The following P2RY11 variants were observed in gnomAD, a reference collection of about 807,000 sequenced individuals.
The protein encoded by P2RY11 is P2Y purinoceptor 11.
In P2RY11, 3 loss-of-function variants were observed where a neutral mutation model predicts 2.4. That is an observed-to-expected ratio of 1.22 (90% CI 0.56 to 3.17). P2RY11 has a LOEUF of 3.17. Among genes scored for constraint, P2RY11 ranks in the 30% most tolerant of loss-of-function variants. The pLI is 0.03. For synonymous variants in P2RY11, 307 were observed against 237.3 expected (o/e 1.29, Z -2.70); for missense variants, 670 against 528.2 (o/e 1.27, Z -2.63).
At position 10,114,955 on chromosome 19, in the gene P2RY11, G is replaced by A. The variant is rs1017556898; in HGVS notation, c.*217G>A. 2 of 1,406,458 alleles carry A rather than the reference G, an allele frequency of 1.4e-6. No individual in the cohort carries two copies. Among genetic ancestry groups the A allele is most frequent in the Admixed American group, 2.0e-5 (1 of 50,634 alleles). 87.1% of individuals were successfully genotyped at this position (1,406,458 alleles called of 1,614,324 possible). The stretch of plus-strand genomic sequence containing the variant: ...GGTCAGGGACCAGACCACGCCCAGA[G>A]GAGGGGAGGCACTGGCCCCCGCCAC... On this transcript the variant is annotated 3_prime_UTR_variant, in exon 2 of 2. Transcript: ENST00000321826.
At chr19:10,112,928 G>A (rs1305801638) in intron 1 of P2RY11, among the ~76,000 whole-genome samples, 2 of 151,990 alleles carry the variant, frequency 1.3e-5, no homozygotes, top group African/African-American at 4.8e-5. Flanking sequence ...GGTGATGAGA[G>A]TGAGACTCTG....
intron 1 of P2RY11, among the ~76,000 whole-genome samples, chr19:10,112,649 C>G (rs1277638292): frequency 6.6e-6 from 1 of 152,056 alleles, no homozygotes; most frequent in Non-Finnish European, 1.5e-5. Flanking sequence ...TCAAGAATGT[C>G]TGGGTGTGGC....
Position 10,113,702 on chromosome 19 carries a change from TC to T in P2RY11, c.91del (p.Leu31CysfsTer50), listed in dbSNP as rs756406399. On this transcript the variant is annotated frameshift_variant, in exon 2 of 2. Coordinates refer to ENST00000321826, the MANE Select transcript of P2RY11 (RefSeq NM_002566.5). LOFTEE classifies it low-confidence loss of function (END_TRUNC). The stretch of plus-strand genomic sequence containing the variant: ...AAACTCAGTGGGTTCCAGGGGGACT[TC>T]CTGTGGCCCATACTGGTGGTTGAGT... ...DDKLSGFQGD[F>X]LWPILVVEFL... The T allele has an allele frequency of 2.5e-6, 4 of 1,611,210 alleles. No individual in the cohort carries two copies. Among genetic ancestry groups the T allele is most frequent in the Non-Finnish European group, 3.4e-6 (4 of 1,178,286 alleles).
rs1434430862 is a variant in P2RY11 at position 10,113,721 on chromosome 19, GGTT to G, written c.110_112del (p.Val37del). ...GGGACTTCCTGTGGCCCATACTGGT[GGTT>G]GAGTTCCTGGTGGCCGTGGCCAGCA... On this transcript the variant is annotated inframe_deletion, in exon 2 of 2. Transcript: ENST00000321826. The G allele has an allele frequency of 6.2e-7, 1 of 1,614,058 alleles. No individual in the cohort carries two copies. Among genetic ancestry groups the G allele is most frequent in the Non-Finnish European group, 8.5e-7 (1 of 1,179,954 alleles).
In P2RY11 at chr19:10,113,875, T is replaced by A. The variant is rs116946867; in HGVS notation, c.262T>A (p.Tyr88Asn). ...CALTLPPLAA[Y>N]LYPPKHWRYG... ...CCTGACGCTGCCCCCGCTGGCCGCC[T>A]ACCTCTATCCCCCCAAGCACTGGCG... The change falls in exon 2 of 2, where the codon TAC becomes AAC. Residue 88 changes from tyrosine to asparagine, a missense_variant. Physicochemically the swap from Tyr to Asn is moderately radical, Grantham distance 143. Transcript: ENST00000321826. 148 of 1,610,124 alleles carry A rather than the reference T, an allele frequency of 9.2e-5. No individual in the cohort carries two copies. In the East Asian group the frequency reaches 2.1e-3, roughly 23 times the overall value.
chr19:10,115,308 C>T lies in P2RY11; in HGVS notation c.*570C>T, dbSNP rs1332096323. 9.1e-7 allele frequency: 1 copy of T among 1,098,112 alleles called. No homozygotes were observed. The highest frequency in any genetic ancestry group is 1.6e-5 in the African/African-American group (1 of 63,072). The allele number at this position is 1,098,112 out of a possible 1,614,324, so 68.0% of individuals were successfully genotyped here. A position where few individuals can be genotyped will look rare whatever the true frequency, so the allele number is the denominator to read the frequency against. ...CACGGACTGGCAGGGACCCCAGGCA[C>T]AAGAGCTGCCACCCCTCTGCCCGGT... On this transcript the variant is annotated 3_prime_UTR_variant, in exon 2 of 2. Coordinates refer to ENST00000321826, the MANE Select transcript of P2RY11 (RefSeq NM_002566.5).
chr19:10,111,851 C>T, intron 1 of P2RY11, 111 bp downstream of exon 1: 1 of 1,292,088 alleles, frequency 7.7e-7, no homozygotes, highest in Non-Finnish European at 1.1e-6. Context: ...GTGGCTCACG[C>T]CTGTAATCCC....
At chr19:10,112,185 G>C (rs2089108319) in intron 1 of P2RY11, 1 of 180,830 alleles carries the variant, frequency 5.5e-6, no homozygotes, top group African/African-American at 2.4e-5. Context: ...GGCTGAGGCA[G>C]GGGGATCACT....
chr19:10,115,040 C>T lies in P2RY11; in HGVS notation c.*302C>T. On this transcript the variant is annotated 3_prime_UTR_variant, in exon 2 of 2. Coordinates refer to ENST00000321826, the MANE Select transcript of P2RY11 (RefSeq NM_002566.5). ...AGAGAGAGTGGAGCTGCTTTATTGC[C>T]CTTGGAGCCCGCGCTCTCGGAGGCT... The T allele has an allele frequency of 1.9e-6, 3 of 1,601,462 alleles. No individual in the cohort carries two copies. Among genetic ancestry groups the T allele is most frequent in the Middle Eastern group, 1.7e-4 (1 of 6,050 alleles).
rs370173231 is a variant in P2RY11 at position 10,114,155 on chromosome 19, G to A, written c.542G>A (p.Ser181Asn). Reference protein sequence around the residue: ...KRPQQGAGNCSVARPEACIKC... With the variant: ...KRPQQGAGNCNVARPEACIKC... ...CCGCAGCAGGGGGCGGGCAACTGCAGCGTGGCCAGGCCCGAGGCCTGCATC... is the reference window on the plus strand; with the variant it reads ...CCGCAGCAGGGGGCGGGCAACTGCAACGTGGCCAGGCCCGAGGCCTGCATC... Residue 181 changes from serine (S) to asparagine (N), a missense_variant, in exon 2 of 2, where the codon AGC becomes AAC. Ser to Asn is a conservative substitution (Grantham distance 46). Coordinates refer to ENST00000321826, the MANE Select transcript of P2RY11 (RefSeq NM_002566.5). 3.4e-5 allele frequency: 55 copies of A among 1,600,816 alleles called. No homozygotes were observed. Among genetic ancestry groups the A allele is most frequent in the Non-Finnish European group, 4.4e-5 (52 of 1,179,584 alleles).
rs1453114618 is a variant in P2RY11, at chr19:10,114,146, G to A, written c.533G>A (p.Gly178Asp). ...CTGAAGAGGCCGCAGCAGGGGGCGGGCAACTGCAGCGTGGCCAGGCCCGAG... is the reference window on the plus strand; with the variant it reads ...CTGAAGAGGCCGCAGCAGGGGGCGGACAACTGCAGCGTGGCCAGGCCCGAG... ...SHLKRPQQGA[G>D]NCSVARPEAC... The change falls in exon 2 of 2, where the codon GGC (glycine) becomes GAC (aspartate). Residue 178 changes from glycine (G) to aspartate (D), a missense_variant. Physicochemically the swap from Gly to Asp is moderately conservative, Grantham distance 94 (BLOSUM62 -1). Transcript: ENST00000321826. 6.2e-7 allele frequency: 1 copy of A among 1,601,140 alleles called. No homozygotes were observed. Among genetic ancestry groups the A allele is most frequent in the Non-Finnish European group, 8.5e-7 (1 of 1,179,626 alleles).
chr19:10,114,322 G>GAAGCT lies in P2RY11; in HGVS notation c.709_710insAAGCT (p.Gly237GlufsTer4), dbSNP rs2089193105. The GAAGCT allele has an allele frequency of 6.3e-7, 1 of 1,599,396 alleles. No homozygotes were observed. Among genetic ancestry groups the GAAGCT allele is most frequent in the African/African-American group, 1.3e-5 (1 of 74,880 alleles). On this transcript the variant is annotated frameshift_variant, in exon 2 of 2. Transcript: ENST00000321826. LOFTEE classifies it low-confidence loss of function (END_TRUNC). ...CGGGCGGGCCGTGCTACGCAGCCCA[G>GAAGCT]GCATGACTGTGGCCGAGAAGCTGCG...
At position 10,114,704 on chromosome 19, in the gene P2RY11, C is replaced by T. The variant is rs550222835; in HGVS notation, c.1091C>T (p.Pro364Leu). The T allele has an allele frequency of 2.4e-5, 39 of 1,611,448 alleles. No homozygotes were observed. Among genetic ancestry groups the T allele is most frequent in the East Asian group, 2.2e-4 (10 of 44,802 alleles). Reference protein sequence around the residue: ...LPLNATAAPKPSEPQSRELSQ With the variant: ...LPLNATAAPKLSEPQSRELSQ ...CTCAATGCCACAGCCGCCCCTAAAC[C>T]GTCAGAGCCCCAGTCCCGTGAGCTG... The change falls in exon 2 of 2, where the codon CCG (proline) becomes CTG (leucine). Residue 364 changes from proline (P) to leucine (L), a missense_variant. Transcript: ENST00000321826.
In P2RY11 at chr19:10,114,273, C is replaced by T. The variant is rs773704014; in HGVS notation, c.660C>T (p.Leu220=). 10 of 1,598,396 alleles carry T rather than the reference C, an allele frequency of 6.3e-6. No homozygotes were observed. In the East Asian group the frequency reaches 6.7e-5, roughly 11 times the overall value. Residue 220 remains leucine, a synonymous_variant, in exon 2 of 2, where the codon CTC becomes CTT. Transcript: ENST00000321826. ...TGGGCTGCGGCCTGCCGCTGCTGCT[C>T]ACGCTGGCAGCCTACGGCGCCCTCG... ...AGLGCGLPLL[L]TLAAYGALGR... is the part of the protein sequence containing the mutation.
In P2RY11 at chr19:10,114,711, G is replaced by A; in HGVS notation, c.1098G>A (p.Glu366=). 1 of 1,609,938 alleles carries A rather than the reference G, an allele frequency of 6.2e-7. No individual in the cohort carries two copies. Among genetic ancestry groups the A allele is most frequent in the Non-Finnish European group, 8.5e-7 (1 of 1,177,122 alleles). ...LNATAAPKPS[E]PQSRELSQ ...CCACAGCCGCCCCTAAACCGTCAGA[G>A]CCCCAGTCCCGTGAGCTGAGCCAAT... Residue 366 remains glutamate (E), a synonymous_variant, in exon 2 of 2, where the codon GAG becomes GAA. Transcript: ENST00000321826.
rs766855543 is a variant in P2RY11, at chr19:10,114,535, G to A, written c.922G>A (p.Gly308Ser). 4 of 1,611,436 alleles carry A rather than the reference G, an allele frequency of 2.5e-6. No homozygotes were observed. Among genetic ancestry groups the A allele is most frequent in the East Asian group, 2.2e-5 (1 of 44,792 alleles). Residue 308 changes from glycine (G) to serine (S), a missense_variant, in exon 2 of 2, where the codon GGC becomes AGC. Physicochemically the swap from Gly to Ser is moderately conservative, Grantham distance 56. Coordinates refer to ENST00000321826, the MANE Select transcript of P2RY11 (RefSeq NM_002566.5). ...GPYVGYQVMR[G>S]LMPLAFCVHP... is the part of the protein sequence containing the mutation. ...CTACGTGGGCTACCAGGTGATGCGG[G>A]GCCTCATGCCCCTGGCCTTCTGTGT...
intron 1 of P2RY11, among the ~76,000 whole-genome samples, chr19:10,113,374 G>GC (rs937692819): frequency 1.3e-5 from 2 of 152,284 alleles, no homozygotes; most frequent in African/African-American, 4.8e-5. Flanking sequence ...GGAGTAGGGT[G>GC]GCCGCTGTCT....
chr19:10,115,153 T>C lies in P2RY11; in HGVS notation c.*415T>C, dbSNP rs771910734. 1.2e-6 allele frequency: 2 copies of C among 1,612,924 alleles called. No individual in the cohort carries two copies. Among genetic ancestry groups the C allele is most frequent in the Non-Finnish European group, 1.7e-6 (2 of 1,179,766 alleles). The stretch of plus-strand genomic sequence containing the variant: ...GCCTGGGGTAGGGGAGGGTGGCAGG[T>C]ATAAGACTTCTGGGGGCACCCCAAG... On this transcript the variant is annotated 3_prime_UTR_variant, in exon 2 of 2. Transcript: ENST00000321826.
Position 10,114,147 on chromosome 19 carries a change from C to A in P2RY11, c.534C>A (p.Gly178=). 5 of 1,601,174 alleles carry A rather than the reference C, an allele frequency of 3.1e-6. No homozygotes were observed. The highest frequency in any genetic ancestry group is 4.2e-6 in the Non-Finnish European group (5 of 1,179,620). ...TGAAGAGGCCGCAGCAGGGGGCGGG[C>A]AACTGCAGCGTGGCCAGGCCCGAGG... is the stretch of plus-strand genomic sequence containing the variant. ...SHLKRPQQGA[G]NCSVARPEAC... is the part of the protein sequence containing the mutation. Residue 178 remains glycine, a synonymous_variant, in exon 2 of 2, where the codon GGC becomes GGA. Transcript: ENST00000321826.
Sources: gnomAD v4.1 joint callset for allele counts (sites outside exome capture counted in the v4.1 genomes callset) on GRCh38, gnomAD v4.1.1 for gene constraint, MANE v1.5 for transcripts, NCBI Gene and HGNC (gene_info 2026-07-23, HGNC 2026-07-21) for gene names.